VAV3: variants seen among roughly 807,000 people sequenced by gnomAD.
The protein encoded by VAV3 is guanine nucleotide exchange factor VAV3.
In VAV3, 94 loss-of-function variants were observed where a neutral mutation model predicts 131.2. The observed-to-expected ratio is 0.72, with a 90% confidence interval of 0.61 to 0.85. The LOEUF (loss-of-function observed/expected upper bound fraction) is 0.85. Ranked by LOEUF, VAV3 falls within the 40% of genes least tolerant of loss-of-function variation. The pLI, the probability that VAV3 is intolerant of heterozygous loss-of-function variation, is 0.00. For missense variants in VAV3, 939 were observed against 1,002.7 expected (o/e 0.94, Z 0.86); for synonymous variants, 349 against 342.0 (o/e 1.02, Z -0.22).
intron 11 of VAV3, 118 bp downstream of exon 11, chr1:107,757,142 TA>T: frequency 1.6e-6 from 1 of 615,620 alleles, no homozygotes; most frequent in Non-Finnish European, 2.6e-6. Flanking sequence ...TGTGTATATA[TA>T]TGTGTGTATA....
intron 5 of VAV3, among the ~76,000 whole-genome samples, chr1:107,771,621 CAG>C (rs1665053060): frequency 6.6e-6 from 1 of 152,182 alleles, no homozygotes; most frequent in Admixed American, 6.5e-5. Context: ...ATCTGTCAAA[CAG>C]AGAGAATTAC....
chr1:107,783,844 C>T (rs1381908843), intron 2 of VAV3, among the ~76,000 whole-genome samples: 3 of 149,176 alleles, frequency 2.0e-5, no homozygotes, highest in South Asian at 2.1e-4. Context: ...ATCAGGAGAT[C>T]GAGACCATCC....
At chr1:107,604,027 A>G (rs1385401210) in intron 22 of VAV3, among the ~76,000 whole-genome samples, 1 of 145,948 alleles carries the variant, frequency 6.9e-6, no homozygotes, top group African/African-American at 2.5e-5. Flanking sequence ...CTCCATAATA[A>G]CTGTAATAAT....
chr1:107,630,341 G>A (rs1654366519), intron 20 of VAV3, among the ~76,000 whole-genome samples: 1 of 147,766 alleles, frequency 6.8e-6, no homozygotes, highest in Non-Finnish European at 1.5e-5. Context: ...ATGGAAGAAT[G>A]GATGGGAGGA....
At chr1:107,830,140 T>C (rs1668185388) in intron 2 of VAV3, among the ~76,000 whole-genome samples, 1 of 152,184 alleles carries the variant, frequency 6.6e-6, no homozygotes, top group African/African-American at 2.4e-5. Flanking sequence ...AAACAGGTTC[T>C]AGAAACTATG....
chr1:107,604,983 C>A (rs1438783612), intron 22 of VAV3, among the ~76,000 whole-genome samples: 1 of 152,188 alleles, frequency 6.6e-6, no homozygotes, highest in African/African-American at 2.4e-5. Context: ...CCTGTGCTCA[C>A]TCCTTTATAG....
intron 15 of VAV3, among the ~76,000 whole-genome samples, chr1:107,717,519 T>C (rs1378793049): frequency 1.3e-5 from 2 of 152,174 alleles, no homozygotes; most frequent in South Asian, 2.1e-4. Flanking sequence ...CAGGAGCAGG[T>C]TGTTCAGTTT....
Position 107,704,597 on chromosome 1 carries a change from T to G in VAV3, c.1658A>C (p.Lys553Thr), listed in dbSNP as rs1168987060. 1 of 1,613,886 alleles carries G rather than the reference T, an allele frequency of 6.2e-7. No homozygotes were observed. Among genetic ancestry groups the G allele is most frequent in the Non-Finnish European group, 8.5e-7 (1 of 1,179,954 alleles). ...ATTGTCTACTCTTCCCAAACATTCT[T>G]TGTGTGCTCTCGCTCCACACTTAAA... ...LCFKCGARAH[K>T]ECLGRVDNCG... is the part of the protein sequence containing the mutation. Residue 553 changes from lysine (K) to threonine (T), a missense_variant, in exon 17 of 27, where the codon AAA becomes ACA. Lys to Thr is a moderately conservative substitution (Grantham distance 78). Coordinates refer to ENST00000370056, the MANE Select transcript of VAV3 (RefSeq NM_006113.5).
chr1:107,855,172 C>T (rs1669411619), intron 2 of VAV3, among the ~76,000 whole-genome samples: 1 of 152,232 alleles, frequency 6.6e-6, no homozygotes, highest in Admixed American at 6.5e-5. Flanking sequence ...GAAATATAAT[C>T]TGCCTATGTA....
chr1:107,633,296 C>G (rs1465572763), intron 20 of VAV3, among the ~76,000 whole-genome samples: 1 of 152,182 alleles, frequency 6.6e-6, no homozygotes, highest in African/African-American at 2.4e-5. Flanking sequence ...AATTATCTTT[C>G]TAAAGCTAAA....
chr1:107,827,783 T>C (rs529624765), intron 2 of VAV3, among the ~76,000 whole-genome samples: 60 of 152,348 alleles, frequency 3.9e-4, no homozygotes, highest in African/African-American at 1.4e-3. Context: ...CAGTCTTATT[T>C]CTGTGAGTGA....
At chr1:107,790,612 C>A (rs1438426995) in intron 2 of VAV3, among the ~76,000 whole-genome samples, 2 of 150,080 alleles carry the variant, frequency 1.3e-5, no homozygotes, top group African/African-American at 4.9e-5. Flanking sequence ...CCTTCTGCTA[C>A]AGCATTTTCA....
At chr1:107,709,522 T>C (rs1272599974) in intron 15 of VAV3, among the ~76,000 whole-genome samples, 1 of 152,204 alleles carries the variant, frequency 6.6e-6, no homozygotes, top group African/African-American at 2.4e-5. Flanking sequence ...TATGTTTACT[T>C]ACATATATCC....
rs1242701692 is a variant in VAV3 at position 107,779,498 on chromosome 1, A to G, written c.322-6T>C. Reference sequence around the variant, plus strand: ...CGTGATAATGTTTCTATAACCTGAGAAAAGAGGAAAATACTAATTAGATAT... The same window carrying G: ...CGTGATAATGTTTCTATAACCTGAGGAAAGAGGAAAATACTAATTAGATAT... On this transcript the variant is annotated splice_polypyrimidine_tract_variant and splice_region_variant and intron_variant, in intron 2 of 26. Transcript: ENST00000370056. The G allele has an allele frequency of 1.3e-6, 2 of 1,573,590 alleles. No homozygotes were observed. Among genetic ancestry groups the G allele is most frequent in the African/African-American group, 1.4e-5 (1 of 73,298 alleles).
intron 19 of VAV3, 110 bp from the exon 20 acceptor site, chr1:107,642,865 A>G: frequency 2.1e-6 from 3 of 1,429,874 alleles, no homozygotes; most frequent in Non-Finnish European, 2.8e-6. Flanking sequence ...TAATACCACC[A>G]AGTCCAAGTA....
intron 15 of VAV3, among the ~76,000 whole-genome samples, chr1:107,740,229 C>T (rs7545935): frequency 6.6e-6 from 1 of 151,124 alleles, no homozygotes; most frequent in African/African-American, 2.4e-5. Context: ...GGAGGTTGCA[C>T]TGAGCTGAGA....
At chr1:107,944,857 C>T (rs79372806) in intron 1 of VAV3, among the ~76,000 whole-genome samples, 4,294 of 152,268 alleles carry the variant, frequency 0.028, 97 homozygotes, top group East Asian at 0.1. Flanking sequence ...CCGCCCGCCT[C>T]GGCCTCCCAA....
chr1:107,801,086 C>T (rs1666807828), intron 2 of VAV3, among the ~76,000 whole-genome samples: 2 of 152,126 alleles, frequency 1.3e-5, no homozygotes, highest in East Asian at 3.9e-4. Flanking sequence ...CTTTTGCCCA[C>T]TGTATGTTCT....
intron 2 of VAV3, among the ~76,000 whole-genome samples, chr1:107,872,581 A>T (rs1424789906): frequency 6.6e-6 from 1 of 152,216 alleles, no homozygotes; most frequent in African/African-American, 2.4e-5. Flanking sequence ...TAAAACTACA[A>T]GAATTATTTC....
Sources: gnomAD v4.1 joint callset for allele counts (sites outside exome capture counted in the v4.1 genomes callset) on GRCh38, gnomAD v4.1.1 for gene constraint, MANE v1.5 for transcripts, NCBI Gene and HGNC (gene_info 2026-07-23, HGNC 2026-07-21) for gene names.